The following ATP2C2 variants were observed in gnomAD, a reference collection of about 807,000 sequenced individuals.
ATP2C2 encodes the protein ATPase secretory pathway Ca2+ transporting 2.
ATP2C2 carries 171 observed loss-of-function variants against 110.8 expected under a neutral mutation model. That is an observed-to-expected ratio of 1.54 (90% CI 1.36 to 1.75). ATP2C2 has a LOEUF of 1.75. Among genes scored for constraint, ATP2C2 ranks in the 40% most tolerant of loss-of-function variants. The probability of loss-of-function intolerance (pLI) is 0.00; values close to 1 mark genes in which losing one functional copy is unlikely to be tolerated. For missense variants in ATP2C2, 1,963 were observed against 1,235.0 expected (o/e 1.59, Z -8.84); for synonymous variants, 804 against 508.4 (o/e 1.58, Z -7.82).
At chr16:84,455,072 G>A (rs907472318) in intron 21 of ATP2C2, 88 bp downstream of exon 21, 4 of 1,524,680 alleles carry the variant, frequency 2.6e-6, no homozygotes, top group East Asian at 2.3e-5. Context: ...GGAGATAGAG[G>A]GGGGGGTCTC....
At chr16:84,406,003 C>T (rs1190135604) in intron 3 of ATP2C2, among the ~76,000 whole-genome samples, 7 of 152,152 alleles carry the variant, frequency 4.6e-5, no homozygotes, top group African/African-American at 1.2e-4. Context: ...ATACAGTGGA[C>T]GTGCTTATAC....
At chr16:84,369,504 C>CT (rs1242209653) in intron 1 of ATP2C2, among the ~76,000 whole-genome samples, 1,940 of 146,738 alleles carry the variant, frequency 0.013, 38 homozygotes, top group African/African-American at 0.042. Context: ...GGTCGTTGCA[C>CT]TTTTTTTTTT....
chr16:84,403,482 T>A (rs937377520), intron 2 of ATP2C2, among the ~76,000 whole-genome samples: 3 of 151,820 alleles, frequency 2.0e-5, no homozygotes, highest in Non-Finnish European at 4.4e-5. Flanking sequence ...ATTTTTAAAA[T>A]TTTTTTGTAG....
Position 84,398,614 on chromosome 16 carries a change from G to A in ATP2C2, c.210+5G>A. The A allele has an allele frequency of 6.2e-7, 1 of 1,601,530 alleles. No homozygotes were observed. Among genetic ancestry groups the A allele is most frequent in the Non-Finnish European group, 8.5e-7 (1 of 1,172,412 alleles). On this transcript the variant is annotated splice_donor_5th_base_variant and intron_variant, in intron 2 of 26. Coordinates refer to ENST00000262429, the MANE Select transcript of ATP2C2 (RefSeq NM_014861.4). ...GATTTGGCCAGAGCGTTTTGTGTAA[G>A]AATTGAATTTGCATCTGGAGCTAAT...
chr16:84,409,651 C>T (rs1025626391), intron 4 of ATP2C2, among the ~76,000 whole-genome samples: 1 of 152,088 alleles, frequency 6.6e-6, no homozygotes, highest in Non-Finnish European at 1.5e-5. Flanking sequence ...CGCCACCACT[C>T]CTGGTTAATT....
intron 1 of ATP2C2, among the ~76,000 whole-genome samples, chr16:84,383,673 G>C (rs1054350375): frequency 1.3e-5 from 2 of 150,772 alleles, no homozygotes; most frequent in African/African-American, 4.9e-5. Context: ...ATTGTCCTCA[G>C]CCTCACCGCC....
In ATP2C2 at chr16:84,415,508, C is replaced by G. The variant is rs781690343; in HGVS notation, c.541C>G (p.Leu181Val). The change falls in exon 7 of 27, where the codon CTG becomes GTG. Residue 181 changes from leucine to valine, a missense_variant. Transcript: ENST00000262429. Reference sequence around the variant, plus strand: ...CCTAAGAGAAGGAAAACTCCAGCACCTGCTTGCTCGAGAACTGGTTCCTGG... The same window carrying G: ...CCTAAGAGAAGGAAAACTCCAGCACGTGCTTGCTCGAGAACTGGTTCCTGG... ...NCLREGKLQH[L>V]LARELVPGDV... The G allele has an allele frequency of 6.2e-7, 1 of 1,614,176 alleles. No homozygotes were observed. The highest frequency in any genetic ancestry group is 8.5e-7 in the Non-Finnish European group (1 of 1,180,032).
intron 10 of ATP2C2, among the ~76,000 whole-genome samples, chr16:84,423,636 T>G (rs750405980): frequency 2.6e-5 from 4 of 152,216 alleles, no homozygotes; most frequent in African/African-American, 7.2e-5. Flanking sequence ...TTGGAGGCCA[T>G]GTTTCTGTTC....
At chr16:84,394,882 G>A (rs1904878115) in intron 1 of ATP2C2, among the ~76,000 whole-genome samples, 2 of 152,118 alleles carry the variant, frequency 1.3e-5, no homozygotes, top group Non-Finnish European at 2.9e-5. Flanking sequence ...CTGTAAAGAT[G>A]CCCTCCAGAT....
Position 84,410,602 on chromosome 16 carries a change from A to G in ATP2C2, c.452A>G (p.Gln151Arg), listed in dbSNP as rs377417267. ...GTCGTGGTCACTGTCGCCTTCATCC[A>G]GGTGAGTATTTCCTGAGGTCCCAGT... Reference protein sequence around the residue: ...VLVVVTVAFIQEYRSEKSLEE... With the variant: ...VLVVVTVAFIREYRSEKSLEE... Residue 151 changes from glutamine (Q) to arginine (R), a missense_variant and splice_region_variant, in exon 5 of 27, where the codon CAG (glutamine) becomes CGG (arginine). Physicochemically the swap from Gln to Arg is conservative, Grantham distance 43. Coordinates refer to ENST00000262429, the MANE Select transcript of ATP2C2 (RefSeq NM_014861.4). The G allele has an allele frequency of 5.6e-6, 9 of 1,614,162 alleles. No homozygotes were observed. The highest frequency in any genetic ancestry group is 1.1e-5 in the South Asian group (1 of 91,074).
Position 84,455,067 on chromosome 16 carries a change from T to TAG in ATP2C2, c.2147+86_2147+87dup, listed in dbSNP as rs1250426082. 45 of 974,064 alleles carry TAG rather than the reference T, an allele frequency of 4.6e-5. 2 individuals are homozygous for TAG. The South Asian group carries it at 5.4e-4, about 12-fold the overall frequency. The allele number at this position is 974,064 out of a possible 1,614,324, so 60.3% of individuals were successfully genotyped here. ...TCCCTGGAACCTGCTACTGTGGAGA[T>TAG]AGAGGGGGGGGTCTCGCGGAGTCCC... is the stretch of plus-strand genomic sequence containing the variant. On this transcript the variant is annotated intron_variant, in intron 21 of 26. Coordinates refer to ENST00000262429, the MANE Select transcript of ATP2C2 (RefSeq NM_014861.4).
intron 18 of ATP2C2, among the ~76,000 whole-genome samples, chr16:84,452,310 C>T (rs1910360462): frequency 1.3e-5 from 2 of 152,158 alleles, no homozygotes; most frequent in South Asian, 4.1e-4. Context: ...GGGAAGTTCT[C>T]ATGGATACTG....
intron 2 of ATP2C2, chr16:84,404,909 T>C (rs1031327683): frequency 2.5e-5 from 17 of 670,144 alleles, no homozygotes; most frequent in Middle Eastern, 4.7e-4. Flanking sequence ...CAGAGTCGTC[T>C]TTTCTGCTGT....
chr16:84,401,220 ATCT>A (rs1331610974), intron 2 of ATP2C2, among the ~76,000 whole-genome samples: 1 of 70,196 alleles, frequency 1.4e-5, no homozygotes, highest in Non-Finnish European at 2.9e-5. Flanking sequence ...GAAGTCTTTA[ATCT>A]TTTTTTTTTT....
rs763802489 is a variant in ATP2C2, at chr16:84,453,235, G to T, written c.1929G>T (p.Lys643Asn). 3.7e-6 allele frequency: 6 copies of T among 1,614,056 alleles called. No homozygotes were observed. The African/African-American group carries it at 8.0e-5, about 22-fold the overall frequency. The stretch of plus-strand genomic sequence containing the variant: ...GCGAGCTGGCCGACCGCGTGGGGAA[G>T]GTGGGTCCCCGGAGGCTTGGCTGGC... ...EKGELADRVG[K>N]VSVFFRTSPK... The change falls in exon 19 of 27, where the codon AAG becomes AAT. Residue 643 changes from lysine (K) to asparagine (N), a missense_variant and splice_region_variant. Coordinates refer to ENST00000262429, the MANE Select transcript of ATP2C2 (RefSeq NM_014861.4).
chr16:84,385,356 T>C (rs561407521), intron 1 of ATP2C2, among the ~76,000 whole-genome samples: 106 of 152,184 alleles, frequency 7.0e-4, no homozygotes, highest in African/African-American at 2.4e-3. Context: ...GAGATATCCT[T>C]CCCCATGATG....
Position 84,459,335 on chromosome 16 carries a change from C to T in ATP2C2, c.2282C>T (p.Ala761Val), listed in dbSNP as rs1291956904. The change falls in exon 23 of 27, where the codon GCC (alanine) becomes GTC (valine). Residue 761 changes from alanine to valine, a missense_variant. Transcript: ENST00000262429. ...TTCAACCTGCCCAGCCCCCTCAACG[C>T]CATGCAGATCCTATGGATCAACATC... Reference protein sequence around the residue: ...TVFNLPSPLNAMQILWINIIM... With the variant: ...TVFNLPSPLNVMQILWINIIM... 2 of 1,614,218 alleles carry T rather than the reference C, an allele frequency of 1.2e-6. No individual in the cohort carries two copies. The highest frequency in any genetic ancestry group is 2.2e-5 in the South Asian group (2 of 91,084).
At chr16:84,419,091 C>G (rs971435715) in intron 7 of ATP2C2, among the ~76,000 whole-genome samples, 1 of 151,646 alleles carries the variant, frequency 6.6e-6, no homozygotes, top group Non-Finnish European at 1.5e-5. Context: ...CACCTGTAGT[C>G]CCAGCTACTC....
intron 24 of ATP2C2, chr16:84,461,421 G>A (rs2150601221): frequency 1.9e-6 from 1 of 539,878 alleles, no homozygotes; most frequent in Non-Finnish European, 3.3e-6. Flanking sequence ...GGGTTTAACT[G>A]GAGTGGCATC....
Sources: gnomAD v4.1 joint callset for allele counts (sites outside exome capture counted in the v4.1 genomes callset) on GRCh38, gnomAD v4.1.1 for gene constraint, MANE v1.5 for transcripts, NCBI Gene and HGNC (gene_info 2026-07-23, HGNC 2026-07-21) for gene names.